TTC28: variants seen among roughly 807,000 people sequenced by gnomAD.
TTC28 encodes the protein tetratricopeptide repeat domain 28.
In TTC28, 61 loss-of-function variants were observed where a neutral mutation model predicts 198.0. That is an observed-to-expected ratio of 0.31 (90% CI 0.25 to 0.38). The LOEUF is 0.38. Among genes scored for constraint, TTC28 ranks in the 10% least tolerant of loss-of-function variants. The pLI is 1.00. For synonymous variants in TTC28, 1,171 were observed against 1,297.8 expected, an observed-to-expected ratio of 0.90 and a Z score of 2.10; for missense variants, 2,678 against 3,164.0, an observed-to-expected ratio of 0.85 and a Z score of 3.69.
At chr22:28,296,941 T>C (rs1183960856) in intron 4 of TTC28, among the ~76,000 whole-genome samples, 1 of 152,186 alleles carries the variant, frequency 6.6e-6, no homozygotes, top group Non-Finnish European at 1.5e-5. Context: ...CAGTATACAC[T>C]CTTAACCTCT....
rs529051378 is a variant in TTC28, at chr22:28,139,058, T to C, written c.1441+24034A>G. On this transcript the variant is annotated intron_variant, in intron 6 of 22. Coordinates refer to ENST00000397906, the MANE Select transcript of TTC28 (RefSeq NM_001145418.2). ...GGGATTTTTATCCTGATTTTGGGGG[T>C]TGGGGAGAGATGGGGTGGAGTTGAA... 3.4e-3 allele frequency among the ~76,000 whole-genome samples: 512 copies of C among 151,164 alleles called. 3 individuals carry two copies. Among genetic ancestry groups the C allele is most frequent in the African/African-American group, 0.012 (492 of 41,206 alleles).
chr22:27,997,616 G>A (rs1383558031), intron 16 of TTC28: 1 of 152,268 alleles, frequency 6.6e-6, no homozygotes, highest in Non-Finnish European at 1.5e-5. Flanking sequence ...CAGACACTCT[G>A]CTTTGCGGTT....
intron 2 of TTC28, among the ~76,000 whole-genome samples, chr22:28,498,994 A>G (rs1023641079): frequency 6.6e-6 from 1 of 152,006 alleles, no homozygotes; most frequent in East Asian, 1.9e-4. Flanking sequence ...TGGGCAGCAC[A>G]GTAAGACCCC....
chr22:28,020,379 GCA>G (rs1361547398), intron 13 of TTC28, among the ~76,000 whole-genome samples: 1 of 152,210 alleles, frequency 6.6e-6, no homozygotes, highest in African/African-American at 2.4e-5. Context: ...TTTCTCCAAA[GCA>G]CACAGTCTGT....
Position 28,163,379 on chromosome 22 carries a change from T to C in TTC28, c.1154A>G (p.Lys385Arg). The C allele has an allele frequency of 1.3e-6, 2 of 1,552,084 alleles. No homozygotes were observed. The highest frequency in any genetic ancestry group is 1.7e-6 in the Non-Finnish European group (2 of 1,147,076). ...CTCTTCTCGCTTGTTCCCCAGGTCCTTGGCTATCTTCAGATGCTGCTCATG... is the reference window on the plus strand; with the variant it reads ...CTCTTCTCGCTTGTTCCCCAGGTCCCTGGCTATCTTCAGATGCTGCTCATG... ...QCHEQHLKIA[K>R]DLGNKREEAR... Residue 385 changes from lysine to arginine, a missense_variant, in exon 6 of 23, where the codon AAG becomes AGG. By Grantham distance (26) the Lys-to-Arg change is conservative. Transcript: ENST00000397906.
At chr22:28,426,390 A>G (rs2047351201) in intron 2 of TTC28, among the ~76,000 whole-genome samples, 1 of 152,182 alleles carries the variant, frequency 6.6e-6, no homozygotes. Flanking sequence ...TAACAAAACT[A>G]AACAATATTT....
rs1379194852 is a variant in TTC28, at chr22:28,377,430, T to C, written c.382-70787A>G. 3.3e-5 allele frequency among the ~76,000 whole-genome samples: 5 copies of C among 152,006 alleles called. No homozygotes were observed. The South Asian group carries it at 6.2e-4, about 19-fold the overall frequency. On this transcript the variant is annotated intron_variant, in intron 2 of 22. Coordinates refer to ENST00000397906, the MANE Select transcript of TTC28 (RefSeq NM_001145418.2). The stretch of plus-strand genomic sequence containing the variant: ...TTTACAATATTTATATATCACTTTA[T>C]AGAATTTGTGTCTGAATCTTTGTCT...
At chr22:28,123,849 G>A (rs190616056) in intron 6 of TTC28, among the ~76,000 whole-genome samples, 8 of 152,086 alleles carry the variant, frequency 5.3e-5, no homozygotes, top group Admixed American at 2.6e-4. Context: ...CAGGTGTGGC[G>A]GCATGTGCCT....
chr22:28,546,374 A>T (rs1262922438), intron 2 of TTC28, among the ~76,000 whole-genome samples: 1 of 152,148 alleles, frequency 6.6e-6, no homozygotes, highest in African/African-American at 2.4e-5. Context: ...TGAACCCGGG[A>T]GGCGGGGGTT....
intron 2 of TTC28, among the ~76,000 whole-genome samples, chr22:28,420,668 C>T (rs1030703510): frequency 6.6e-6 from 1 of 151,752 alleles, no homozygotes; most frequent in South Asian, 2.1e-4. Flanking sequence ...CACGCAATCT[C>T]AGCTCACTGC....
chr22:28,314,316 C>G (rs906813880), intron 2 of TTC28, among the ~76,000 whole-genome samples: 7 of 152,146 alleles, frequency 4.6e-5, no homozygotes, highest in African/African-American at 1.7e-4. Flanking sequence ...CAATGTTAAT[C>G]TCCATCAAGC....
intron 2 of TTC28, among the ~76,000 whole-genome samples, chr22:28,579,786 T>C (rs969124140): frequency 1.3e-5 from 2 of 151,810 alleles, no homozygotes; most frequent in Non-Finnish European, 2.9e-5. Flanking sequence ...CTGGCCAACA[T>C]AGTGAAAGCC....
At chr22:28,378,163 C>T (rs2046440498) in intron 2 of TTC28, among the ~76,000 whole-genome samples, 1 of 151,852 alleles carries the variant, frequency 6.6e-6, no homozygotes, top group Admixed American at 6.6e-5. Flanking sequence ...GCCAACATGG[C>T]AAAACTCTGT....
At chr22:28,675,123 G>A (rs554845405) in intron 1 of TTC28, among the ~76,000 whole-genome samples, 3 of 152,202 alleles carry the variant, frequency 2.0e-5, no homozygotes, top group African/African-American at 4.8e-5. Flanking sequence ...AAGATGTGAA[G>A]ACCATCAATA....
chr22:28,167,862 G>A (rs1468937489), intron 5 of TTC28, among the ~76,000 whole-genome samples: 1 of 152,152 alleles, frequency 6.6e-6, no homozygotes, highest in East Asian at 1.9e-4. Context: ...ATTCAATTAG[G>A]AAAAGAGGAA....
At chr22:28,153,740 C>T (rs1943672106) in intron 6 of TTC28, among the ~76,000 whole-genome samples, 2 of 152,134 alleles carry the variant, frequency 1.3e-5, no homozygotes, top group South Asian at 4.1e-4. Flanking sequence ...TAACACTAGT[C>T]TTGTTTCCCT....
chr22:28,139,582 G>C (rs1387098562), intron 6 of TTC28, among the ~76,000 whole-genome samples: 1 of 152,130 alleles, frequency 6.6e-6, no homozygotes, highest in African/African-American at 2.4e-5. Flanking sequence ...TTGATACCAG[G>C]AAGGAAAATA....
intron 12 of TTC28, among the ~76,000 whole-genome samples, chr22:28,093,733 T>C (rs930098643): frequency 5.3e-5 from 8 of 152,206 alleles, no homozygotes; most frequent in Non-Finnish European, 1.0e-4. Flanking sequence ...ACAAACTCAT[T>C]ATAATTTGTT....
chr22:28,573,526 A>C (rs961881768), intron 2 of TTC28, among the ~76,000 whole-genome samples: 8 of 152,074 alleles, frequency 5.3e-5, no homozygotes, highest in African/African-American at 1.9e-4. Flanking sequence ...CATTGAAATT[A>C]ATGTGAGACT....
Sources: allele counts gnomAD v4.1 joint callset (sites outside exome capture counted in the v4.1 genomes callset), GRCh38; gene constraint gnomAD v4.1.1; transcripts MANE v1.5; gene names NCBI Gene and HGNC (gene_info 2026-07-23, HGNC 2026-07-21).